Variants in TNFRSF1B observed in about 807,000 individuals in gnomAD.
The protein encoded by TNFRSF1B is tumor necrosis factor receptor superfamily member 1B.
Under a neutral mutation model 44.6 loss-of-function variants are expected in TNFRSF1B, and 19 were observed. That is an observed-to-expected ratio of 0.43 (90% CI 0.30 to 0.62). The LOEUF is 0.62. TNFRSF1B is among the 20% of genes least tolerant of loss of function. The pLI, the probability that TNFRSF1B is intolerant of heterozygous loss-of-function variation, is 0.16. For missense variants in TNFRSF1B, 541 were observed against 619.9 expected (o/e 0.87, Z 1.35); for synonymous variants, 252 against 261.1 (o/e 0.97, Z 0.34).
intron 1 of TNFRSF1B, among the ~76,000 whole-genome samples, chr1:12,183,700 C>CTAGT (rs1638882432): frequency 8.1e-6 from 1 of 123,146 alleles, no homozygotes; most frequent in Admixed American, 7.8e-5. Context: ...ATCTATCTAT[C>CTAGT]TATCTATCTA....
rs200918905 is a variant in TNFRSF1B at position 12,183,682 on chromosome 1, A to AT, written c.79-5113dup. On this transcript the variant is annotated intron_variant, in intron 1 of 9. Coordinates refer to ENST00000376259, the MANE Select transcript of TNFRSF1B (RefSeq NM_001066.3). ...TATCTATCTATCTATCTATCTATCTATCTATCTATCTATCTATCTATCTAT... is the reference window on the plus strand; with the variant it reads ...TATCTATCTATCTATCTATCTATCTATTCTATCTATCTATCTATCTATCTAT... Among the ~76,000 whole-genome samples the AT allele has an allele frequency of 6.3e-3, 784 of 124,410 alleles. 9 individuals are homozygous for AT. The highest frequency in any genetic ancestry group is 0.022 in the Middle Eastern group (5 of 228). The allele number at this position is 124,410 out of a possible 152,430, so 81.6% of individuals were successfully genotyped here. A position where few individuals can be genotyped will look rare whatever the true frequency, so the allele number is the denominator to read the frequency against.
chr1:12,167,273 C>T (rs992320259), intron 1 of TNFRSF1B, 104 bp downstream of exon 1: 2 of 925,238 alleles, frequency 2.2e-6, no homozygotes, highest in Non-Finnish European at 2.8e-6. Flanking sequence ...GGCGCTGTCA[C>T]GGGCTGGGAG....
In TNFRSF1B at chr1:12,191,763, C is replaced by T. The variant is rs1398967792; in HGVS notation, c.308-11C>T. 2.5e-6 allele frequency: 4 copies of T among 1,613,114 alleles called. No homozygotes were observed. Among genetic ancestry groups the T allele is most frequent in the South Asian group, 1.1e-5 (1 of 91,036 alleles). Reference sequence around the variant, plus strand: ...CAGGCGTGACCGTTTGCCGCCCTCTCGCTGCTCTAGACCAGGTGGAAACTC... The same window carrying T: ...CAGGCGTGACCGTTTGCCGCCCTCTTGCTGCTCTAGACCAGGTGGAAACTC... On this transcript the variant is annotated splice_polypyrimidine_tract_variant and intron_variant, in intron 3 of 9. Coordinates refer to ENST00000376259, the MANE Select transcript of TNFRSF1B (RefSeq NM_001066.3).
Position 12,208,751 on chromosome 1 carries a change from G to A in TNFRSF1B, c.*1731G>A, listed in dbSNP as rs541468529. The stretch of plus-strand genomic sequence containing the variant: ...AGCTGAACTATTGGAGGGTGGGAGA[G>A]CCCAGCCATTACCATGGAGACAAGA... On this transcript the variant is annotated 3_prime_UTR_variant, in exon 10 of 10. Coordinates refer to ENST00000376259, the MANE Select transcript of TNFRSF1B (RefSeq NM_001066.3). The A allele has an allele frequency of 2.6e-5, 4 of 152,338 alleles. No individual in the cohort carries two copies. In the South Asian group the frequency reaches 8.3e-4, roughly 32 times the overall value. The allele number at this position is 152,338 out of a possible 1,614,324, so 9.4% of individuals were successfully genotyped here. A position where few individuals can be genotyped will look rare whatever the true frequency, so the allele number is the denominator to read the frequency against.
chr1:12,184,261 T>C (rs677844), intron 1 of TNFRSF1B, among the ~76,000 whole-genome samples: 32,979 of 152,158 alleles, frequency 0.22, 3,712 homozygotes, highest in South Asian at 0.26. Flanking sequence ...TCCTGGGGAC[T>C]GCTGCTGTGG....
In TNFRSF1B at chr1:12,206,892, CA is replaced by C; in HGVS notation, c.1259del (p.Gln420ArgfsTer39). 6.2e-7 allele frequency: 1 copy of C among 1,614,248 alleles called. No individual in the cohort carries two copies. Among genetic ancestry groups the C allele is most frequent in the Non-Finnish European group, 8.5e-7 (1 of 1,180,040 alleles). On this transcript the variant is annotated frameshift_variant, in exon 10 of 10. Coordinates refer to ENST00000376259, the MANE Select transcript of TNFRSF1B (RefSeq NM_001066.3). LOFTEE classifies it low-confidence loss of function (END_TRUNC). The part of the protein sequence containing the change: ...SSPSESPKDE[Q>X]VPFSKEECAF... The stretch of plus-strand genomic sequence containing the variant: ...CCCCTCGGAGTCCCCGAAGGACGAG[CA>C]GGTCCCCTTCTCCAAGGAGGAATGT...
At chr1:12,190,897 G>A (rs1639101571) in intron 2 of TNFRSF1B, 60 bp from the exon 3 acceptor site, 1 of 1,575,650 alleles carries the variant, frequency 6.3e-7, no homozygotes, top group African/African-American at 1.4e-5. Context: ...GACAGTGGAT[G>A]AGCCCAGGGT....
At chr1:12,176,289 A>T (rs1234342690) in intron 1 of TNFRSF1B, among the ~76,000 whole-genome samples, 1 of 152,248 alleles carries the variant, frequency 6.6e-6, no homozygotes, top group Non-Finnish European at 1.5e-5. Context: ...CAGCTGTCCT[A>T]GCTGGAGCCA....
At position 12,190,837 on chromosome 1, in the gene TNFRSF1B, T is replaced by G. The variant is rs5746015; in HGVS notation, c.179-120T>G. The stretch of plus-strand genomic sequence containing the variant: ...GGAGATGATTCTGAGGAATTGGAAC[T>G]CCACAGAATAGCCTTCCCAGCTGGG... On this transcript the variant is annotated intron_variant, in intron 2 of 9. Coordinates refer to ENST00000376259, the MANE Select transcript of TNFRSF1B (RefSeq NM_001066.3). 6,179 of 1,226,886 alleles carry G rather than the reference T, an allele frequency of 5.0e-3. 259 individuals carry two copies. The African/African-American group carries it at 0.083, about 16-fold the overall frequency. The allele number at this position is 1,226,886 out of a possible 1,614,324, so 76.0% of individuals were successfully genotyped here.
chr1:12,176,474 A>G (rs1638659372), intron 1 of TNFRSF1B, among the ~76,000 whole-genome samples: 1 of 152,214 alleles, frequency 6.6e-6, no homozygotes, highest in Non-Finnish European at 1.5e-5. Flanking sequence ...AGGTATGTGC[A>G]TTTATCAGTC....
In TNFRSF1B at chr1:12,207,272, C is replaced by T. The variant is rs1639526859; in HGVS notation, c.*252C>T. 4 of 413,198 alleles carry T rather than the reference C, an allele frequency of 9.7e-6. No homozygotes were observed. Among genetic ancestry groups the T allele is most frequent in the East Asian group, 3.6e-5 (1 of 27,714 alleles). 25.6% of individuals were successfully genotyped at this position (413,198 alleles called of 1,614,324 possible). ...GGAAGGCTGGCTGGGCATGGACGTT[C>T]GGGGCATGCTGGGGCAAGTCCCTGA... On this transcript the variant is annotated 3_prime_UTR_variant, in exon 10 of 10. Coordinates refer to ENST00000376259, the MANE Select transcript of TNFRSF1B (RefSeq NM_001066.3).
intron 1 of TNFRSF1B, among the ~76,000 whole-genome samples, chr1:12,167,873 A>G (rs1638431569): frequency 6.6e-6 from 1 of 152,182 alleles, no homozygotes; most frequent in Non-Finnish European, 1.5e-5. Flanking sequence ...CGGGGGCCGC[A>G]GGAAAATGGA....
intron 2 of TNFRSF1B, 35 bp from the exon 3 acceptor site, chr1:12,190,922 C>T (rs5746016): frequency 0.047 from 75,530 of 1,603,760 alleles, 1,979 homozygotes; most frequent in Non-Finnish European, 0.051. Flanking sequence ...GCAGAAGGCT[C>T]GCCCAGCTGA....
intron 1 of TNFRSF1B, 130 bp from the exon 2 acceptor site, chr1:12,188,666 C>T: frequency 1.2e-6 from 1 of 825,784 alleles, no homozygotes; most frequent in South Asian, 1.7e-5. Flanking sequence ...GGGGAGAAAC[C>T]TCCCCAGCCA....
At chr1:12,170,406 C>T (rs1052448607) in intron 1 of TNFRSF1B, among the ~76,000 whole-genome samples, 2 of 152,178 alleles carry the variant, frequency 1.3e-5, no homozygotes, top group African/African-American at 4.8e-5. Context: ...TATTCCCTGC[C>T]TGGCCTTTGT....
At chr1:12,192,738 G>A (rs1239276139) in intron 5 of TNFRSF1B, 125 bp from the exon 6 acceptor site, 3 of 916,310 alleles carry the variant, frequency 3.3e-6, no homozygotes, top group Admixed American at 4.3e-5. Context: ...CTAGGAGGGG[G>A]TGGTCCTCAG....
At position 12,180,031 on chromosome 1, in the gene TNFRSF1B, G is replaced by A. The variant is rs1375140828; in HGVS notation, c.79-8765G>A. ...CCACCTCCCCACCGCATCATCTTCC[G>A]TTCTCAGCGGGTAGATCCCTGCCCA... On this transcript the variant is annotated intron_variant, in intron 1 of 9. Coordinates refer to ENST00000376259, the MANE Select transcript of TNFRSF1B (RefSeq NM_001066.3). The surrounding 1 kb of genome is among the most constrained non-coding windows in gnomAD (Gnocchi z 4.3). Among the ~76,000 whole-genome samples, 3 of 152,006 alleles carry A rather than the reference G, an allele frequency of 2.0e-5. No homozygotes were observed. The highest frequency in any genetic ancestry group is 2.0e-4 in the East Asian group (1 of 5,118).
At chr1:12,183,446 TTCTCTCTC>T (rs33995912) in intron 1 of TNFRSF1B, among the ~76,000 whole-genome samples, 34 of 147,348 alleles carry the variant, frequency 2.3e-4, no homozygotes, top group South Asian at 1.1e-3. Context: ...CTTTTATCTA[TTCTCTCTC>T]TCTCTCTCTC....
chr1:12,202,263 C>G, intron 9 of TNFRSF1B, 92 bp downstream of exon 9: 1 of 1,491,100 alleles, frequency 6.7e-7, no homozygotes, highest in Non-Finnish European at 8.9e-7. Flanking sequence ...TGAGCCTCCC[C>G]GCAGGGTGGG....
Sources: allele counts gnomAD v4.1 joint callset (sites outside exome capture counted in the v4.1 genomes callset), GRCh38; gene constraint gnomAD v4.1.1; non-coding constraint Gnocchi (gnomAD v3.1); transcripts MANE v1.5; gene names NCBI Gene and HGNC (gene_info 2026-07-23, HGNC 2026-07-21).